Variants in ADGRA3 observed in about 807,000 individuals in gnomAD.
The protein encoded by ADGRA3 is adhesion G protein-coupled receptor A3.
Under a neutral mutation model 119.8 loss-of-function variants are expected in ADGRA3, and 56 were observed. The observed-to-expected ratio is 0.47, with a 90% CI of 0.38 to 0.58. The LOEUF (loss-of-function observed/expected upper bound fraction) is 0.58, where lower values mean the gene tolerates loss of function less well. ADGRA3 is among the 20% of genes least tolerant of loss of function. ADGRA3 has a pLI of 0.00. For synonymous variants in ADGRA3, 607 were observed against 623.8 expected (o/e 0.97, Z 0.40); for missense variants, 1,516 against 1,649.0 (o/e 0.92, Z 1.40).
intron 10 of ADGRA3, among the ~76,000 whole-genome samples, chr4:22,426,095 C>T (rs774923947): frequency 1.3e-5 from 2 of 152,128 alleles, no homozygotes; most frequent in Non-Finnish European, 2.9e-5. Flanking sequence ...AATGTTGGCG[C>T]TTTTACTGTT....
chr4:22,424,423 C>G (rs1368697734), intron 10 of ADGRA3, 71 bp from the exon 11 acceptor site: 37 of 1,515,700 alleles, frequency 2.4e-5, no homozygotes, highest in Non-Finnish European at 8.1e-6. Flanking sequence ...AATCAAAATC[C>G]TAATGGACAG....
At chr4:22,414,477 A>AT (rs548622504) in intron 12 of ADGRA3, 13 of 476,102 alleles carry the variant, frequency 2.7e-5, no homozygotes, top group African/African-American at 1.2e-4. Context: ...TTCAGTAAAA[A>AT]ATATATATAT....
chr4:22,474,790 C>T (rs1184220429), intron 1 of ADGRA3, among the ~76,000 whole-genome samples: 3 of 152,176 alleles, frequency 2.0e-5, no homozygotes, highest in Non-Finnish European at 2.9e-5. Context: ...ACGAGGCACA[C>T]TACAGGCATC....
At chr4:22,476,752 C>T (rs1270321778) in intron 1 of ADGRA3, among the ~76,000 whole-genome samples, 2 of 151,676 alleles carry the variant, frequency 1.3e-5, no homozygotes, top group East Asian at 1.9e-4. Flanking sequence ...CTACAATCTA[C>T]GCCTCCAGGG....
At chr4:22,450,904 G>A (rs143763708) in intron 4 of ADGRA3, among the ~76,000 whole-genome samples, 2 of 142,602 alleles carry the variant, frequency 1.4e-5, no homozygotes, top group East Asian at 2.1e-4. Context: ...TTAAAGCTCT[G>A]TGTGTGTGTC....
chr4:22,443,109 C>G, intron 6 of ADGRA3: 1 of 679,472 alleles, frequency 1.5e-6, no homozygotes, highest in Non-Finnish European at 2.6e-6. Flanking sequence ...CAGTGGCATC[C>G]TAAGAGTATC....
chr4:22,424,795 G>A (rs1715864741), intron 10 of ADGRA3, among the ~76,000 whole-genome samples: 1 of 152,154 alleles, frequency 6.6e-6, no homozygotes. Flanking sequence ...CCGCCAGCAG[G>A]GCGTGGTGGC....
intron 1 of ADGRA3, among the ~76,000 whole-genome samples, chr4:22,505,368 A>G (rs1302010076): frequency 6.6e-6 from 1 of 152,186 alleles, no homozygotes; most frequent in African/African-American, 2.4e-5. Context: ...AGAATTTCTG[A>G]AATTCTGGCC....
chr4:22,512,512 A>C (rs972440975), intron 1 of ADGRA3, among the ~76,000 whole-genome samples: 28 of 152,180 alleles, frequency 1.8e-4, no homozygotes, highest in Middle Eastern at 3.2e-3. Flanking sequence ...GTCTTTGCAG[A>C]TGTATTTAAT....
Position 22,509,418 on chromosome 4 carries a change from G to A in ADGRA3, c.257+6110C>T, listed in dbSNP as rs184419190. On this transcript the variant is annotated intron_variant, in intron 1 of 18. Coordinates refer to ENST00000334304, the MANE Select transcript of ADGRA3 (RefSeq NM_145290.4). ...CTCGGGGCGCTGAGGCAGGAGAATC[G>A]CTTGAACCTGGGAGGCGGAGGCTGC... 2.0e-3 allele frequency among the ~76,000 whole-genome samples: 301 copies of A among 151,342 alleles called. 2 individuals carry two copies. The highest frequency in any genetic ancestry group is 2.4e-3 in the African/African-American group (97 of 41,238).
At chr4:22,484,605 C>CAA (rs200272320) in intron 1 of ADGRA3, among the ~76,000 whole-genome samples, 1,882 of 98,842 alleles carry the variant, frequency 0.019, 43 homozygotes, top group African/African-American at 0.067. Context: ...ACCCTGTTTC[C>CAA]AAAAAAAAAA....
intron 12 of ADGRA3, among the ~76,000 whole-genome samples, chr4:22,417,537 T>C (rs1715478640): frequency 1.3e-5 from 2 of 152,244 alleles, no homozygotes; most frequent in South Asian, 4.2e-4. Context: ...GAAACTGACA[T>C]TCAGAAAGGT....
intron 9 of ADGRA3, 32 bp downstream of exon 9, chr4:22,436,408 A>G (rs964715357): frequency 1.9e-6 from 3 of 1,566,038 alleles, no homozygotes; most frequent in Non-Finnish European, 2.6e-6. Context: ...TTTTCTCCAC[A>G]ACCCAAGTAA....
At chr4:22,420,862 A>C (rs747284300) in intron 12 of ADGRA3, 24 bp downstream of exon 12, 8 of 1,597,506 alleles carry the variant, frequency 5.0e-6, no homozygotes, top group East Asian at 2.2e-5. Flanking sequence ...AAATAGTCTT[A>C]AATGATTGCA....
chr4:22,450,902 C>A (rs1717010410), intron 4 of ADGRA3, among the ~76,000 whole-genome samples: 1 of 143,250 alleles, frequency 7.0e-6, no homozygotes, highest in African/African-American at 2.6e-5. Flanking sequence ...TTTTAAAGCT[C>A]TGTGTGTGTG....
chr4:22,447,408 A>AG, intron 5 of ADGRA3, 32 bp downstream of exon 5: 2 of 1,309,142 alleles, frequency 1.5e-6, no homozygotes, highest in Admixed American at 2.4e-5. Context: ...TGAAAATCAA[A>AG]AAAAAAAAGA....
intron 1 of ADGRA3, among the ~76,000 whole-genome samples, chr4:22,481,655 C>T (rs1443378847): frequency 2.0e-5 from 3 of 152,088 alleles, no homozygotes; most frequent in Non-Finnish European, 4.4e-5. Context: ...CAAAGGATTT[C>T]CTCTTTCAGA....
chr4:22,455,872 A>G (rs766160099), intron 3 of ADGRA3: 126 of 1,236,218 alleles, frequency 1.0e-4, no homozygotes, highest in Non-Finnish European at 1.3e-4. Context: ...AGAAAACCCT[A>G]AAACAATGAA....
Position 22,444,966 on chromosome 4 carries a change from C to T in ADGRA3, c.706+7G>A, listed in dbSNP as rs1461007874. On this transcript the variant is annotated splice_region_variant and intron_variant, in intron 6 of 18. Coordinates refer to ENST00000334304, the MANE Select transcript of ADGRA3 (RefSeq NM_145290.4). Reference sequence around the variant, plus strand: ...AAATGCTTTCTCAGTTTGGATTTCTCCCTTACCGCATGTCAACAGCTCCTG... The same window carrying T: ...AAATGCTTTCTCAGTTTGGATTTCTTCCTTACCGCATGTCAACAGCTCCTG... 6.2e-7 allele frequency: 1 copy of T among 1,612,272 alleles called. No individual in the cohort carries two copies. Among genetic ancestry groups the T allele is most frequent in the Non-Finnish European group, 8.5e-7 (1 of 1,179,786 alleles).
Sources: gnomAD v4.1 joint callset for allele counts (sites outside exome capture counted in the v4.1 genomes callset) on GRCh38, gnomAD v4.1.1 for gene constraint, MANE v1.5 for transcripts, NCBI Gene and HGNC (gene_info 2026-07-23, HGNC 2026-07-21) for gene names.